The following DNAH11 variants were observed in gnomAD, a reference collection of about 807,000 sequenced individuals.
DNAH11 encodes dynein axonemal heavy chain 11, also known as axonemal beta dynein heavy chain 11.
In DNAH11, 442 loss-of-function variants were observed where a neutral mutation model predicts 526.0. The ratio of observed to expected loss-of-function variants is 0.84; its 90% CI spans 0.78 to 0.91. The LOEUF is 0.91. DNAH11 is among the 40% of genes least tolerant of loss of function. The pLI is 0.00. For synonymous variants in DNAH11, 2,461 were observed against 1,935.9 expected, an observed-to-expected ratio of 1.27 and a Z score of -7.12; for missense variants, 6,989 against 5,448.7, an observed-to-expected ratio of 1.28 and a Z score of -8.90.
rs1416169650 is a variant in DNAH11 at position 21,571,913 on chromosome 7, T to G, written c.1533T>G (p.Leu511=). ...AAGTCCACGAGATGAGTGAAGAACT[T>G]ATGGAACTCTGTAAACTTTTTAAAC... ...NGQVHEMSEE[L]MELCKLFKQS... Residue 511 remains leucine, a synonymous_variant, in exon 8 of 82, where the codon CTT becomes CTG. Coordinates refer to ENST00000409508, the MANE Select transcript of DNAH11 (RefSeq NM_001277115.2). The G allele has an allele frequency of 1.9e-6, 3 of 1,611,998 alleles. No homozygotes were observed. Among genetic ancestry groups the G allele is most frequent in the East Asian group, 2.2e-5 (1 of 44,798 alleles).
At chr7:21,613,852 T>TG (rs1785643947) in intron 20 of DNAH11, among the ~76,000 whole-genome samples, 1 of 152,056 alleles carries the variant, frequency 6.6e-6, no homozygotes, top group Admixed American at 6.6e-5. Flanking sequence ...GCCTCAACCT[T>TG]CCCTGATCTT....
Position 21,773,769 on chromosome 7 carries a change from G to A in DNAH11, c.9106G>A (p.Val3036Met). The A allele has an allele frequency of 6.4e-7, 1 of 1,563,274 alleles. No individual in the cohort carries two copies. Among genetic ancestry groups the A allele is most frequent in the Non-Finnish European group, 8.7e-7 (1 of 1,155,210 alleles). The change falls in exon 56 of 82, where the codon GTG (valine) becomes ATG (methionine). Residue 3036 changes from valine to methionine, a missense_variant. Physicochemically the swap from Val to Met is conservative, Grantham distance 21. Transcript: ENST00000409508. ...ACTGTAATGTTTGTGTTTTCAGCCA[G>A]TGCACAAAGACTCTATTAGCCTTTT... Reference protein sequence around the residue: ...FIEETKGIEPVHKDSISLFMA... With the variant: ...FIEETKGIEPMHKDSISLFMA...
At chr7:21,670,133 C>T (rs1052774875) in intron 30 of DNAH11, among the ~76,000 whole-genome samples, 6 of 152,012 alleles carry the variant, frequency 3.9e-5, no homozygotes, top group African/African-American at 1.4e-4. Flanking sequence ...GAAGAATGAA[C>T]ATCTCAATAA....
chr7:21,796,286 G>C (rs924330771), intron 61 of DNAH11, among the ~76,000 whole-genome samples: 1 of 152,162 alleles, frequency 6.6e-6, no homozygotes, highest in Non-Finnish European at 1.5e-5. Flanking sequence ...GTAGGGATCT[G>C]TGAGCCATAT....
intron 65 of DNAH11, among the ~76,000 whole-genome samples, chr7:21,832,939 A>T (rs937273014): frequency 1.3e-5 from 2 of 152,190 alleles, no homozygotes; most frequent in Admixed American, 6.5e-5. Flanking sequence ...CTACTTTAAA[A>T]AATAAGTTAA....
At chr7:21,738,432 A>G (rs1397344248) in intron 46 of DNAH11, among the ~76,000 whole-genome samples, 2 of 152,154 alleles carry the variant, frequency 1.3e-5, no homozygotes, top group East Asian at 3.9e-4. Flanking sequence ...TTCAGCTGTG[A>G]TGACAATGTG....
At chr7:21,700,542 C>T (rs1354819654) in intron 36 of DNAH11, among the ~76,000 whole-genome samples, 2 of 152,156 alleles carry the variant, frequency 1.3e-5, no homozygotes, top group African/African-American at 2.4e-5. Context: ...ACTTAGCCAC[C>T]TCCCATTGTT....
intron 62 of DNAH11, among the ~76,000 whole-genome samples, chr7:21,803,326 T>G (rs139491351): frequency 2.6e-5 from 4 of 152,214 alleles, no homozygotes; most frequent in Admixed American, 1.3e-4. Flanking sequence ...TGGTGATTAG[T>G]GATCAGCCAC....
intron 42 of DNAH11, among the ~76,000 whole-genome samples, chr7:21,716,924 G>C (rs1784686568): frequency 2.0e-5 from 3 of 152,238 alleles, no homozygotes; most frequent in Middle Eastern, 6.8e-3. Flanking sequence ...TAATCATCTT[G>C]CCTTAATGTC....
At chr7:21,549,086 C>T (rs904275355) in intron 2 of DNAH11, among the ~76,000 whole-genome samples, 1 of 152,100 alleles carries the variant, frequency 6.6e-6, no homozygotes. Context: ...GCCATGTTGG[C>T]CAGGCTGGTC....
At chr7:21,874,787 A>G (rs1783642110) in intron 74 of DNAH11, among the ~76,000 whole-genome samples, 1 of 152,024 alleles carries the variant, frequency 6.6e-6, no homozygotes, top group Non-Finnish European at 1.5e-5. Context: ...CAAGTCTTTC[A>G]GTTTCCTTTC....
At chr7:21,601,254 G>T (rs550754051) in intron 17 of DNAH11, 75 bp downstream of exon 17, 1 of 1,497,176 alleles carries the variant, frequency 6.7e-7, no homozygotes, top group African/African-American at 1.4e-5. Flanking sequence ...ACTTTTAAGC[G>T]TATTAATGTT....
chr7:21,858,800 GGTTATT>G (rs1325717907), intron 68 of DNAH11, among the ~76,000 whole-genome samples: 1 of 152,068 alleles, frequency 6.6e-6, no homozygotes, highest in Non-Finnish European at 1.5e-5. Flanking sequence ...TGATTGCTAC[GGTTATT>G]GTTAGAATAT....
At chr7:21,701,993 C>A (rs528650700) in intron 36 of DNAH11, among the ~76,000 whole-genome samples, 3 of 152,180 alleles carry the variant, frequency 2.0e-5, no homozygotes, top group Non-Finnish European at 2.9e-5. Context: ...GAGCACCGTG[C>A]AATGTGCTAG....
chr7:21,668,734 T>C lies in DNAH11; in HGVS notation c.5328+9703T>C, dbSNP rs111969956. The stretch of plus-strand genomic sequence containing the variant: ...GTGTACCACAATTTTTCTACTCATC[T>C]TGTTACTTGACATTTGGGTTTCCAG... On this transcript the variant is annotated intron_variant, in intron 30 of 81. Coordinates refer to ENST00000409508, the MANE Select transcript of DNAH11 (RefSeq NM_001277115.2). Among the ~76,000 whole-genome samples, 375 of 152,368 alleles carry C rather than the reference T, an allele frequency of 2.5e-3. 5 individuals are homozygous for C. Among genetic ancestry groups the C allele is most frequent in the African/African-American group, 8.5e-3 (355 of 41,592 alleles).
At chr7:21,694,779 T>C (rs944620738) in intron 35 of DNAH11, among the ~76,000 whole-genome samples, 1 of 152,152 alleles carries the variant, frequency 6.6e-6, no homozygotes, top group Non-Finnish European at 1.5e-5. Flanking sequence ...TGCCACACTG[T>C]CTTCCACAAT....
chr7:21,588,377 C>A (rs956342723), intron 10 of DNAH11, 135 bp from the exon 11 acceptor site: 4 of 1,327,238 alleles, frequency 3.0e-6, no homozygotes, highest in Non-Finnish European at 4.1e-6. Context: ...TGTAACTCTT[C>A]TAGTAATCAA....
intron 53 of DNAH11, 35 bp from the exon 54 acceptor site, chr7:21,750,187 G>T: frequency 6.5e-7 from 1 of 1,540,116 alleles, no homozygotes; most frequent in East Asian, 2.3e-5. Context: ...AAATTGCAAT[G>T]ATCTTTTAGT....
intron 70 of DNAH11, among the ~76,000 whole-genome samples, chr7:21,866,263 G>A (rs1324978039): frequency 1.3e-5 from 2 of 149,472 alleles, no homozygotes; most frequent in Non-Finnish European, 3.0e-5. Context: ...ACCCAACTAG[G>A]TCAGGGAACC....
Sources: gnomAD v4.1 joint callset for allele counts (sites outside exome capture counted in the v4.1 genomes callset) on GRCh38, gnomAD v4.1.1 for gene constraint, MANE v1.5 for transcripts, NCBI Gene and HGNC (gene_info 2026-07-23, HGNC 2026-07-21) for gene names.